The following PLCH2 variants were observed in gnomAD, a reference collection of about 807,000 sequenced individuals.
PLCH2 encodes the protein phospholipase C eta 2, also known as 1-phosphatidylinositol 4,5-bisphosphate phosphodiesterase eta-2.
In PLCH2, 98 loss-of-function variants were observed where a neutral mutation model predicts 134.7. That is an observed-to-expected ratio of 0.73 (90% CI 0.62 to 0.86). The LOEUF is 0.86. Among genes scored for constraint, PLCH2 ranks in the 40% least tolerant of loss-of-function variants. The pLI is 0.00. For missense variants in PLCH2, 1,994 were observed against 1,986.6 expected (o/e 1.00, Z -0.07); for synonymous variants, 974 against 827.5 (o/e 1.18, Z -3.04).
At chr1:2,472,454 G>A (rs1338844684), upstream of PLCH2, among the ~76,000 whole-genome samples, 1 of 152,328 alleles carries the variant, frequency 6.6e-6, no homozygotes, top group Admixed American at 6.5e-5. Flanking sequence ...AGGGGGGCGC[G>A]GAAGAGCCAG....
chr1:2,418,735 G>A, the PLCH2 span, among the ~76,000 whole-genome samples: 4 of 152,186 alleles, frequency 2.6e-5, no homozygotes, highest in Non-Finnish European at 5.9e-5. Flanking sequence ...CTGTCTGTGC[G>A]AGTGGGAGTG....
rs1473744089 is a variant in PLCH2, at chr1:2,498,951, C to T, written c.2434+123C>T. ...CTCAGTGACAGTCCTGGGCGCCCTC[C>T]CCTCTAGGTGGGCAGTCCCGGAAGC... On this transcript the variant is annotated intron_variant, in intron 18 of 21. Coordinates refer to ENST00000378486, the MANE Select transcript of PLCH2 (RefSeq NM_014638.4). The surrounding 1 kb of genome is among the most constrained non-coding windows in gnomAD (Gnocchi z 5.4). The T allele has an allele frequency of 7.3e-7, 1 of 1,378,908 alleles. No homozygotes were observed. The highest frequency in any genetic ancestry group is 1.0e-6 in the Non-Finnish European group (1 of 998,428). The allele number at this position is 1,378,908 out of a possible 1,614,324, so 85.4% of individuals were successfully genotyped here. A position where few individuals can be genotyped will look rare whatever the true frequency, so the allele number is the denominator to read the frequency against.
chr1:2,428,883 C>T (rs987309650), intron 1 of PLCH2, among the ~76,000 whole-genome samples: 3 of 152,258 alleles, frequency 2.0e-5, no homozygotes, highest in Non-Finnish European at 2.9e-5. Flanking sequence ...GAGGGCTGGG[C>T]ACCACCAGGC....
At chr1:2,455,297 G>A (rs35608674) in intron 2 of PLCH2, among the ~76,000 whole-genome samples, 18,610 of 152,206 alleles carry the variant, frequency 0.12, 1,303 homozygotes, top group East Asian at 0.22. Flanking sequence ...CCAGAGGCCC[G>A]GCAGGTCCCT....
At chr1:2,483,903 G>A in intron 4 of PLCH2, among the ~76,000 whole-genome samples, 1 of 132,540 alleles carries the variant, frequency 7.5e-6, no homozygotes. Context: ...CGTGTGGGGG[G>A]GCGCTGACTC....
At position 2,487,274 on chromosome 1, in the gene PLCH2, A is replaced by T; in HGVS notation, c.1012A>T (p.Thr338Ser). Residue 338 changes from threonine (T) to serine (S), a missense_variant, in exon 7 of 22, where the codon ACC becomes TCC. By Grantham distance (58) the Thr-to-Ser change is moderately conservative. Around this residue, in one of 2 missense-constraint regions of PLCH2, gnomAD observed 1,094 missense variants for 1,234.3 expected, o/e 0.89. Coordinates refer to ENST00000378486, the MANE Select transcript of PLCH2 (RefSeq NM_014638.4). ...MTQPLSHYFI[T>S]SSHNTYLVGD... ...GCAGCCGCTGAGCCACTACTTCATC[A>T]CCTCGTCCCACAACACCTACCTCGT... The T allele has an allele frequency of 1.2e-6, 2 of 1,613,562 alleles. No homozygotes were observed. The highest frequency in any genetic ancestry group is 1.7e-6 in the Non-Finnish European group (2 of 1,179,838).
chr1:2,502,753 G>A (rs756972877), intron 21 of PLCH2: 96 of 716,356 alleles, frequency 1.3e-4, no homozygotes, highest in Admixed American at 8.8e-4. Flanking sequence ...CCATGTCCTC[G>A]GACTCCAGCA....
At chr1:2,455,739 G>A (rs1362028873) in intron 2 of PLCH2, among the ~76,000 whole-genome samples, 1 of 152,144 alleles carries the variant, frequency 6.6e-6, no homozygotes, top group Non-Finnish European at 1.5e-5. Context: ...AAGCGCACCT[G>A]CTGCAGGTGT....
chr1:2,449,201 G>A (rs1482661631), intron 2 of PLCH2, among the ~76,000 whole-genome samples: 2 of 150,998 alleles, frequency 1.3e-5, no homozygotes, highest in Non-Finnish European at 2.9e-5. Context: ...TTTTAAACTG[G>A]GGCGTCTGGC....
upstream of PLCH2, among the ~76,000 whole-genome samples, chr1:2,474,943 G>A (rs900713189): frequency 7.2e-5 from 11 of 152,180 alleles, no homozygotes; most frequent in Non-Finnish European, 1.0e-4. Context: ...GAGGACGCCC[G>A]GGACTCCAGC....
rs536134131 is a variant in PLCH2, at chr1:2,439,428, C to A, written c.115+8799C>A. Among the ~76,000 whole-genome samples, 6 of 152,196 alleles carry A rather than the reference C, an allele frequency of 3.9e-5. No homozygotes were observed. The highest frequency in any genetic ancestry group is 7.3e-5 in the Non-Finnish European group (5 of 68,042). ...TCATGGGAAGCCAAGCCAGGGGCAG[C>A]TGATCCCATCCCACCCGTTCGTTGT... On this transcript the variant is annotated intron_variant, in intron 2 of 3. Coordinates refer to the PLCH2 transcript ENST00000609981. The surrounding 1 kb of genome is among the most constrained non-coding windows in gnomAD (Gnocchi z 4.7).
chr1:2,467,968 A>C (rs1179515408), intron 1 of PLCH2, among the ~76,000 whole-genome samples: 1 of 152,150 alleles, frequency 6.6e-6, no homozygotes, highest in East Asian at 1.9e-4. Flanking sequence ...TGCTCCCTGC[A>C]AAGGGTCCAA....
rs1395203047 is a variant in PLCH2 at position 2,476,482 on chromosome 1, G to C, written c.-107G>C. On this transcript the variant is annotated 5_prime_UTR_variant, in exon 1 of 22. Coordinates refer to ENST00000378486, the MANE Select transcript of PLCH2 (RefSeq NM_014638.4). ...AGGAGGAAGAGGCAGAGGAGAGAAGGCCCCACGGAGGTCCTGTCGCCAGCG... is the reference window on the plus strand; with the variant it reads ...AGGAGGAAGAGGCAGAGGAGAGAAGCCCCCACGGAGGTCCTGTCGCCAGCG... 2.1e-5 allele frequency: 22 copies of C among 1,065,830 alleles called. No individual in the cohort carries two copies. The Middle Eastern group carries it at 9.3e-4, about 45-fold the overall frequency. 66.0% of individuals were successfully genotyped at this position (1,065,830 alleles called of 1,614,324 possible).
At chr1:2,492,880 G>A (rs75646104) in intron 11 of PLCH2, among the ~76,000 whole-genome samples, 3,058 of 152,250 alleles carry the variant, frequency 0.02, 122 homozygotes, top group Admixed American at 0.088. Flanking sequence ...GGGGCAGCAG[G>A]AATGGGTATC....
chr1:2,505,306 A>T lies in PLCH2; in HGVS notation c.*93A>T. ...GAAACAGGGCAGCCAGGCCCCCAAA[A>T]CTGTGTCCCCCTGGCTGCCCTGTGT... is the stretch of plus-strand genomic sequence containing the variant. On this transcript the variant is annotated 3_prime_UTR_variant, in exon 22 of 22. Transcript: ENST00000378486. 1.0e-6 allele frequency: 1 copy of T among 969,552 alleles called. No homozygotes were observed. The highest frequency in any genetic ancestry group is 1.6e-5 in the South Asian group (1 of 61,754). 60.1% of individuals were successfully genotyped at this position (969,552 alleles called of 1,614,324 possible).
rs1361828745 is a variant in PLCH2, at chr1:2,502,148, C to A, written c.2698C>A (p.Arg900=). Residue 900 remains arginine, a synonymous_variant, in exon 21 of 22, where the codon CGA becomes AGA. Coordinates refer to ENST00000378486, the MANE Select transcript of PLCH2 (RefSeq NM_014638.4). The stretch of plus-strand genomic sequence containing the variant: ...TCTGGGCCTAAAAGGCCTCTTCCTC[C>A]GAGGCCCAAAGCCCGGCTCGCTGGA... ...QALGLKGLFL[R]GPKPGSLDSH... 2 of 1,481,378 alleles carry A rather than the reference C, an allele frequency of 1.4e-6. No homozygotes were observed. The highest frequency in any genetic ancestry group is 2.5e-5 in the Admixed American group (1 of 39,598). 91.8% of individuals were successfully genotyped at this position (1,481,378 alleles called of 1,614,324 possible).
chr1:2,502,636 A>T (rs761029213), intron 21 of PLCH2: 73 of 680,180 alleles, frequency 1.1e-4, no homozygotes, highest in Middle Eastern at 5.0e-4. Flanking sequence ...GGGCTGACTC[A>T]CTGGGGGCCC....
At chr1:2,436,365 C>CCT (rs1639377565) in intron 2 of PLCH2, among the ~76,000 whole-genome samples, 2 of 69,316 alleles carry the variant, frequency 2.9e-5, no homozygotes, top group Admixed American at 1.3e-4. Context: ...CCTCCCTCCT[C>CCT]CCTTCCTCCC....
intron 4 of PLCH2, among the ~76,000 whole-genome samples, chr1:2,482,067 G>A (rs1007291040): frequency 2.0e-5 from 3 of 152,252 alleles, no homozygotes; most frequent in Admixed American, 6.5e-5. Context: ...TGCGCTGGGC[G>A]GGCACCGAGG....
Sources: allele counts gnomAD v4.1 joint callset (sites outside exome capture counted in the v4.1 genomes callset), GRCh38; gene constraint gnomAD v4.1.1; regional missense constraint gnomAD v4.1.1; non-coding constraint Gnocchi (gnomAD v3.1); transcripts MANE v1.5; gene names NCBI Gene and HGNC (gene_info 2026-07-23, HGNC 2026-07-21).